FZR1: variants seen among roughly 807,000 people sequenced by gnomAD.
FZR1 encodes fizzy and cell division cycle 20 related 1.
FZR1 carries 11 observed loss-of-function variants against 63.6 expected under a neutral mutation model. The observed-to-expected ratio is 0.17, with a 90% CI of 0.11 to 0.29. The LOEUF (loss-of-function observed/expected upper bound fraction) is 0.29. FZR1 is among the 10% of genes least tolerant of loss of function. FZR1 has a pLI of 1.00. For missense variants in FZR1, 440 were observed against 687.5 expected (o/e 0.64, Z 4.03); for synonymous variants, 328 against 297.9 (o/e 1.10, Z -1.04).
At chr19:3,529,755 GGAGCGC>G (rs2083215580) in intron 7 of FZR1, among the ~76,000 whole-genome samples, 6 of 138,096 alleles carry the variant, frequency 4.3e-5, no homozygotes, top group Non-Finnish European at 9.4e-5. Context: ...TGAGCGCATG[GGAGCGC>G]ATGGGTGAGC....
chr19:3,526,194 C>CA lies in FZR1; in HGVS notation c.259+12dup. ...CAGACAACGGCAAAGGTTAGGGTCC[C>CA]AGCCCATCCGCCCTGCAGGCCCCCA... On this transcript the variant is annotated intron_variant, in intron 4 of 13. Coordinates refer to ENST00000441788, the MANE Select transcript of FZR1 (RefSeq NM_016263.4). This position sits in a 1 kb window ranked among gnomAD's most constrained non-coding sequence, Gnocchi z 5.4. 6.2e-7 allele frequency: 1 copy of CA among 1,612,374 alleles called. No homozygotes were observed. The highest frequency in any genetic ancestry group is 1.1e-5 in the South Asian group (1 of 91,082).
rs1351373721 is a variant in FZR1, at chr19:3,533,567, A to G, written c.1347+169A>G. On this transcript the variant is annotated intron_variant, in intron 12 of 13. Coordinates refer to ENST00000441788, the MANE Select transcript of FZR1 (RefSeq NM_016263.4). The surrounding 1 kb of genome is among the most constrained non-coding windows in gnomAD (Gnocchi z 4.9). The stretch of plus-strand genomic sequence containing the variant: ...GGCATCTGGTGCTGGTTGTGTTGCC[A>G]GCGTTGGAATGGGCTCTACCGAACT... 1.7e-6 allele frequency: 1 copy of G among 598,556 alleles called. No individual in the cohort carries two copies. Among genetic ancestry groups the G allele is most frequent in the African/African-American group, 1.8e-5 (1 of 54,068 alleles). The allele number at this position is 598,556 out of a possible 1,614,324, so 37.1% of individuals were successfully genotyped here. A position where few individuals can be genotyped will look rare whatever the true frequency, so the allele number is the denominator to read the frequency against.
rs2083266680 is a variant in FZR1, at chr19:3,533,327, C to T, written c.1276C>T (p.Leu426Phe). ...STHGYSQNQI[L>F]VWKYPSLTQV... ...GCACGGCTACTCACAGAACCAGATCCTTGTCTGGAAGTACCCCTCCCTGAC... is the reference window on the plus strand; with the variant it reads ...GCACGGCTACTCACAGAACCAGATCTTTGTCTGGAAGTACCCCTCCCTGAC... The change falls in exon 12 of 14, where the codon CTT (leucine) becomes TTT (phenylalanine). Residue 426 changes from leucine to phenylalanine, a missense_variant. Leu to Phe is a conservative substitution (Grantham distance 22). This residue lies in a region of FZR1 where 208 missense variants were observed against 363.6 expected (regional missense o/e 0.57). Transcript: ENST00000441788. The surrounding 1 kb of genome is among the most constrained non-coding windows in gnomAD (Gnocchi z 4.9). The T allele has an allele frequency of 1.2e-6, 2 of 1,612,714 alleles. No individual in the cohort carries two copies. Among genetic ancestry groups the T allele is most frequent in the Non-Finnish European group, 1.7e-6 (2 of 1,179,564 alleles).
chr19:3,510,714 A>AAGGATCCCCCTC (rs1440071524), intron 1 of FZR1, among the ~76,000 whole-genome samples: 1 of 152,012 alleles, frequency 6.6e-6, no homozygotes, highest in Non-Finnish European at 1.5e-5. Context: ...TCTTCCACTT[A>AAGGATCCCCCTC]AGGATCCCCC....
chr19:3,534,174 T>A (rs1249662142), intron 12 of FZR1: 1 of 393,086 alleles, frequency 2.5e-6, no homozygotes, highest in Non-Finnish European at 4.5e-6. Flanking sequence ...AAGCCAGGAT[T>A]GCCCCACTGC....
chr19:3,531,300 G>T (rs1339510700), intron 8 of FZR1, among the ~76,000 whole-genome samples: 1 of 152,198 alleles, frequency 6.6e-6, no homozygotes, highest in Non-Finnish European at 1.5e-5. Context: ...CGCTCACTGT[G>T]TCCAGGCGTG....
chr19:3,524,525 C>T (rs2083133458), intron 2 of FZR1, among the ~76,000 whole-genome samples: 1 of 152,224 alleles, frequency 6.6e-6, no homozygotes, highest in South Asian at 2.1e-4. Flanking sequence ...ATGACTGCGT[C>T]ACAGGCTGGG....
chr19:3,512,160 G>A (rs1390248280), intron 1 of FZR1, among the ~76,000 whole-genome samples: 2 of 152,226 alleles, frequency 1.3e-5, no homozygotes, highest in African/African-American at 4.8e-5. Flanking sequence ...GGCTGCCAAG[G>A]CACCGCCATG....
rs566561700 is a variant in FZR1, at chr19:3,530,465, T to A, written c.655-327T>A. ...GAGAGCGCATGGGAGAGCGCATGGA[T>A]GAGCGCATGGGAGAGCGCATGGGTG... On this transcript the variant is annotated intron_variant, in intron 7 of 13. Coordinates refer to ENST00000441788, the MANE Select transcript of FZR1 (RefSeq NM_016263.4). Among the ~76,000 whole-genome samples the A allele has an allele frequency of 4.8e-4, 51 of 107,144 alleles. 7 individuals carry two copies. The highest frequency in any genetic ancestry group is 2.9e-3 in the South Asian group (8 of 2,742). The allele number at this position is 107,144 out of a possible 152,430, so 70.3% of individuals were successfully genotyped here. A position where few individuals can be genotyped will look rare whatever the true frequency, so the allele number is the denominator to read the frequency against.
At chr19:3,507,847 G>A (rs187849370) in intron 1 of FZR1, among the ~76,000 whole-genome samples, 251 of 152,380 alleles carry the variant, frequency 1.6e-3, no homozygotes, top group Non-Finnish European at 2.1e-3. Flanking sequence ...GTGTTTTGGC[G>A]ACACCCGATT....
In FZR1 at chr19:3,532,068, C is replaced by A; in HGVS notation, c.981C>A (p.Leu327=). The change falls in exon 10 of 14, where the codon CTC becomes CTA. Residue 327 remains leucine (L), a synonymous_variant. Transcript: ENST00000441788. Reference sequence around the variant, plus strand: ...TCAAGTGGTCCACAGACCACCAGCTCCTCGCCTCGGGGGGCAACGACAACA... The same window carrying A: ...TCAAGTGGTCCACAGACCACCAGCTACTCGCCTCGGGGGGCAACGACAACA... The part of the protein sequence containing the change: ...CGLKWSTDHQ[L]LASGGNDNKL... 1 of 1,522,322 alleles carries A rather than the reference C, an allele frequency of 6.6e-7. No individual in the cohort carries two copies. Among genetic ancestry groups the A allele is most frequent in the Non-Finnish European group, 8.8e-7 (1 of 1,137,366 alleles). The allele number at this position is 1,522,322 out of a possible 1,614,324, so 94.3% of individuals were successfully genotyped here. A position where few individuals can be genotyped will look rare whatever the true frequency, so the allele number is the denominator to read the frequency against.
chr19:3,525,442 T>TC lies in FZR1; in HGVS notation c.70-426_70-425insC, dbSNP rs1463529218. On this transcript the variant is annotated intron_variant, in intron 2 of 13. Transcript: ENST00000441788. This position sits in a 1 kb window ranked among gnomAD's most constrained non-coding sequence, Gnocchi z 4.2. ...CCCTCCTTGGGTTTTCTTTTTTTTT[T>TC]TTTTTTTTTTTTTTTTTTGAGACGG... Among the ~76,000 whole-genome samples, 3 of 134,640 alleles carry TC rather than the reference T, an allele frequency of 2.2e-5. No individual in the cohort carries two copies. The highest frequency in any genetic ancestry group is 4.8e-5 in the Non-Finnish European group (3 of 62,912). The allele number at this position is 134,640 out of a possible 152,430, so 88.3% of individuals were successfully genotyped here. A position where few individuals can be genotyped will look rare whatever the true frequency, so the allele number is the denominator to read the frequency against.
chr19:3,527,198 AG>A, intron 6 of FZR1, 136 bp downstream of exon 6: 1 of 737,926 alleles, frequency 1.4e-6, no homozygotes, highest in Non-Finnish European at 2.4e-6. Flanking sequence ...CCCAGGGCAT[AG>A]TGGCCTGGAG....
At chr19:3,508,999 C>T (rs2083005924) in intron 1 of FZR1, among the ~76,000 whole-genome samples, 1 of 152,242 alleles carries the variant, frequency 6.6e-6, no homozygotes, top group African/African-American at 2.4e-5. Context: ...CCACAGGGAC[C>T]TGGGCACCTA....
Position 3,515,219 on chromosome 19 carries a change from C to T in FZR1, c.-34-7737C>T, listed in dbSNP as rs771155912. 2.0e-5 allele frequency among the ~76,000 whole-genome samples: 3 copies of T among 152,208 alleles called. No homozygotes were observed. The highest frequency in any genetic ancestry group is 1.9e-4 in the East Asian group (1 of 5,198). On this transcript the variant is annotated intron_variant, in intron 1 of 13. Transcript: ENST00000441788. This position sits in a 1 kb window ranked among gnomAD's most constrained non-coding sequence, Gnocchi z 4.6. Reference sequence around the variant, plus strand: ...TCACTGCTGATGTGCAGCGAGGGTCCGGGTTGCTGCTAAACTCCCTCGACC... The same window carrying T: ...TCACTGCTGATGTGCAGCGAGGGTCTGGGTTGCTGCTAAACTCCCTCGACC...
intron 1 of FZR1, among the ~76,000 whole-genome samples, chr19:3,508,832 C>G (rs891124420): frequency 9.2e-5 from 14 of 152,202 alleles, no homozygotes; most frequent in Non-Finnish European, 1.6e-4. Flanking sequence ...CCCACTGTGC[C>G]CAGAACGGCC....
intron 1 of FZR1, among the ~76,000 whole-genome samples, chr19:3,512,197 T>A (rs1568229096): frequency 6.6e-6 from 1 of 152,164 alleles, no homozygotes; most frequent in Non-Finnish European, 1.5e-5. Context: ...CAGGGAGCAG[T>A]CTGGGGACCT....
In FZR1 at chr19:3,536,236, G is replaced by C. The variant is rs2029959837; in HGVS notation, c.*1400G>C. On this transcript the variant is annotated 3_prime_UTR_variant, in exon 14 of 14. Transcript: ENST00000441788. ...GTTGACTAGTCCTGGAAATGTTTGAGGCTAGACGGGGAGGGGCCAGGACCC... is the reference window on the plus strand; with the variant it reads ...GTTGACTAGTCCTGGAAATGTTTGACGCTAGACGGGGAGGGGCCAGGACCC... The C allele has an allele frequency of 6.6e-6, 1 of 152,276 alleles. No homozygotes were observed. The highest frequency in any genetic ancestry group is 1.5e-5 in the Non-Finnish European group (1 of 68,080). 9.4% of individuals were successfully genotyped at this position (152,276 alleles called of 1,614,324 possible). A position where few individuals can be genotyped will look rare whatever the true frequency, so the allele number is the denominator to read the frequency against.
intron 11 of FZR1, 48 bp downstream of exon 11, chr19:3,532,698 C>G: frequency 7.7e-7 from 1 of 1,299,984 alleles, no homozygotes; most frequent in East Asian, 2.4e-5. Flanking sequence ...GATGTGCGTC[C>G]TGCTGGCCCC....
Sources: gnomAD v4.1 joint callset for allele counts (sites outside exome capture counted in the v4.1 genomes callset) on GRCh38, gnomAD v4.1.1 for gene constraint, gnomAD v4.1.1 regional missense constraint, Gnocchi (gnomAD v3.1) non-coding constraint, MANE v1.5 for transcripts, NCBI Gene and HGNC (gene_info 2026-07-23, HGNC 2026-07-21) for gene names.